UBR3: variants seen among roughly 807,000 people sequenced by gnomAD.
UBR3 encodes the protein ubiquitin protein ligase E3 component n-recognin 3, also known as E3 ubiquitin-protein ligase UBR3.
Under a neutral mutation model 243.2 loss-of-function variants are expected in UBR3, and 85 were observed. The ratio of observed to expected loss-of-function variants is 0.35; its 90% CI spans 0.29 to 0.42. The LOEUF (loss-of-function observed/expected upper bound fraction) is 0.42. UBR3 is among the 10% of genes least tolerant of loss of function. The probability of loss-of-function intolerance (pLI) is 1.00; values close to 1 mark genes in which losing one functional copy is unlikely to be tolerated. For missense variants in UBR3, 1,686 were observed against 2,300.8 expected, an observed-to-expected ratio of 0.73 and a Z score of 5.47; for synonymous variants, 748 against 799.8, an observed-to-expected ratio of 0.94 and a Z score of 1.09.
intron 32 of UBR3, among the ~76,000 whole-genome samples, chr2:170,045,841 C>CT (rs776238393): frequency 6.6e-5 from 10 of 151,870 alleles, no homozygotes; most frequent in Non-Finnish European, 1.0e-4. Flanking sequence ...GTATGTATCT[C>CT]TAAAAGATAA....
In UBR3 at chr2:169,978,524, G is replaced by C. The variant is rs375108445; in HGVS notation, c.3635-8121G>C. 4.3e-4 allele frequency among the ~76,000 whole-genome samples: 65 copies of C among 152,192 alleles called. 1 individual carries two copies. In the South Asian group the frequency reaches 0.013, roughly 31 times the overall value. On this transcript the variant is annotated intron_variant, in intron 24 of 38. Transcript: ENST00000272793. The stretch of plus-strand genomic sequence containing the variant: ...TCCTGAGGTTTGAGCCCAGGGTGCA[G>C]GGTATAGCCACTATTTGGGAGTCTG...
intron 35 of UBR3, among the ~76,000 whole-genome samples, chr2:170,067,612 G>A (rs1337400575): frequency 1.3e-5 from 2 of 152,036 alleles, no homozygotes; most frequent in African/African-American, 2.4e-5. Flanking sequence ...GTGTCAAGCC[G>A]TAAAGTATCA....
intron 10 of UBR3, among the ~76,000 whole-genome samples, chr2:169,911,960 C>T (rs912801739): frequency 3.9e-5 from 6 of 151,938 alleles, no homozygotes; most frequent in African/African-American, 1.5e-4. Flanking sequence ...GTAAGGTGAC[C>T]AGGTAAGTGA....
chr2:169,976,096 A>G (rs1314964923), intron 24 of UBR3, among the ~76,000 whole-genome samples: 2 of 134,982 alleles, frequency 1.5e-5, no homozygotes, highest in Non-Finnish European at 1.7e-5. Flanking sequence ...TAGGCAGCAT[A>G]TAGTTGGGCC....
At chr2:169,845,545 C>CTTCTTCTTTCTTCTTCTTCTTCTTCT (rs2082448335) in intron 1 of UBR3, among the ~76,000 whole-genome samples, 3 of 140,044 alleles carry the variant, frequency 2.1e-5, no homozygotes, top group Non-Finnish European at 4.6e-5. Flanking sequence ...TCTTCTTCTT[C>CTTCTTCTTTCTTCTTCTTCTTCTTCT]TTCTTCTTTC....
At chr2:169,846,702 T>A (rs2082490651) in intron 1 of UBR3, among the ~76,000 whole-genome samples, 1 of 146,088 alleles carries the variant, frequency 6.8e-6, no homozygotes, top group African/African-American at 2.5e-5. Context: ...AGGGCAAGAC[T>A]CTGTCTCAAA....
At chr2:170,041,548 T>C (rs2090968872) in intron 32 of UBR3, among the ~76,000 whole-genome samples, 1 of 152,200 alleles carries the variant, frequency 6.6e-6, no homozygotes, top group South Asian at 2.1e-4. Context: ...CATAACATTA[T>C]TATATTAACA....
intron 35 of UBR3, among the ~76,000 whole-genome samples, chr2:170,062,471 T>TA (rs2091475409): frequency 6.6e-6 from 1 of 152,242 alleles, no homozygotes; most frequent in Non-Finnish European, 1.5e-5. Context: ...CTTCAAGACA[T>TA]ATGCTGCACA....
rs1186535443 is a variant in UBR3 at position 170,055,451 on chromosome 2, C to G, written c.4661-9C>G. 6.3e-7 allele frequency: 1 copy of G among 1,599,848 alleles called. No individual in the cohort carries two copies. The highest frequency in any genetic ancestry group is 1.4e-5 in the African/African-American group (1 of 73,758). On this transcript the variant is annotated splice_polypyrimidine_tract_variant and intron_variant, in intron 32 of 38. Transcript: ENST00000272793. The stretch of plus-strand genomic sequence containing the variant: ...TTCCAAAGAAATAATGATTTTTTTT[C>G]TCTTGCAGACCACTTTACCTGCATT...
intron 22 of UBR3, chr2:169,948,004 T>A: frequency 2.2e-6 from 2 of 922,960 alleles, no homozygotes; most frequent in South Asian, 1.0e-4. Flanking sequence ...AAAAACCGCT[T>A]TGAAGTATTT....
intron 31 of UBR3, among the ~76,000 whole-genome samples, chr2:170,033,228 T>A (rs538520266): frequency 6.6e-6 from 1 of 152,206 alleles, no homozygotes; most frequent in South Asian, 2.1e-4. Context: ...TTTGTTCTTT[T>A]CAAGCCCTAA....
At chr2:169,990,742 C>T (rs899587680) in intron 25 of UBR3, among the ~76,000 whole-genome samples, 2 of 146,864 alleles carry the variant, frequency 1.4e-5, no homozygotes, top group African/African-American at 2.5e-5. Flanking sequence ...CACACACACA[C>T]ACACACATAA....
intron 32 of UBR3, among the ~76,000 whole-genome samples, chr2:170,052,266 C>G (rs1410711795): frequency 6.6e-6 from 1 of 151,996 alleles, no homozygotes; most frequent in Admixed American, 6.6e-5. Context: ...TTCCTTAGTT[C>G]TGGGCATCCT....
At chr2:169,958,368 T>C in intron 23 of UBR3, 70 bp from the exon 24 acceptor site, 1 of 1,376,606 alleles carries the variant, frequency 7.3e-7, no homozygotes, top group East Asian at 2.3e-5. Context: ...ATACATTATA[T>C]ACTCCTGAAA....
intron 18 of UBR3, among the ~76,000 whole-genome samples, chr2:169,929,523 A>G (rs12994279): frequency 2.0e-5 from 3 of 151,742 alleles, no homozygotes; most frequent in Non-Finnish European, 2.9e-5. Context: ...TTATAGTGAG[A>G]CCCTATCGTG....
Position 169,827,483 on chromosome 2 carries a change from A to G in UBR3, c.-25A>G. On this transcript the variant is annotated 5_prime_UTR_variant, in exon 1 of 39. Transcript: ENST00000272793. ...TCCCTGGAGGAGCCGCTGGCCCTGG[A>G]CTCTCCAAATTCTGAGCTCTCATCA... is the stretch of plus-strand genomic sequence containing the variant. 3.3e-6 allele frequency: 4 copies of G among 1,224,160 alleles called. No homozygotes were observed. Among genetic ancestry groups the G allele is most frequent in the Non-Finnish European group, 4.1e-6 (4 of 983,294 alleles). The allele number at this position is 1,224,160 out of a possible 1,614,324, so 75.8% of individuals were successfully genotyped here.
intron 1 of UBR3, among the ~76,000 whole-genome samples, chr2:169,842,955 GATC>G (rs2082349410): frequency 6.6e-6 from 1 of 152,154 alleles, no homozygotes; most frequent in South Asian, 2.1e-4. Context: ...CTGTTTAAGA[GATC>G]ATCAGAATGG....
At chr2:170,050,023 C>G (rs1008715807) in intron 32 of UBR3, among the ~76,000 whole-genome samples, 1 of 152,126 alleles carries the variant, frequency 6.6e-6, no homozygotes, top group Non-Finnish European at 1.5e-5. Context: ...AGAATGTTGG[C>G]AGTTTATTGG....
At chr2:169,938,375 A>G (rs2086429599) in intron 19 of UBR3, among the ~76,000 whole-genome samples, 1 of 149,266 alleles carries the variant, frequency 6.7e-6, no homozygotes, top group African/African-American at 2.5e-5. Flanking sequence ...TGTGGTCCTG[A>G]TTGGCTTCCC....
Sources: allele counts gnomAD v4.1 joint callset (sites outside exome capture counted in the v4.1 genomes callset), GRCh38; gene constraint gnomAD v4.1.1; transcripts MANE v1.5; gene names NCBI Gene and HGNC (gene_info 2026-07-23, HGNC 2026-07-21).